Variants in DLG2 observed in about 807,000 individuals in gnomAD.
DLG2 encodes discs large MAGUK scaffold protein 2.
In DLG2, 45 loss-of-function variants were observed where a neutral mutation model predicts 132.5. The observed-to-expected ratio is 0.34, with a 90% confidence interval of 0.27 to 0.44. The LOEUF is 0.44. DLG2 is among the 20% of genes least tolerant of loss of function. DLG2 has a pLI of 1.00. For synonymous variants in DLG2, 424 were observed against 419.6 expected, an observed-to-expected ratio of 1.01 and a Z score of -0.13; for missense variants, 1,045 against 1,196.9, an observed-to-expected ratio of 0.87 and a Z score of 1.87.
chr11:85,466,241 T>G (rs1415153284), intron 3 of DLG2, among the ~76,000 whole-genome samples: 1 of 152,222 alleles, frequency 6.6e-6, no homozygotes, highest in Non-Finnish European at 1.5e-5. Context: ...TTGCAAAAAT[T>G]TTCTCCCATT....
At chr11:85,228,687 T>C (rs899617183) in intron 4 of DLG2, among the ~76,000 whole-genome samples, 1 of 151,960 alleles carries the variant, frequency 6.6e-6, no homozygotes, top group Admixed American at 6.6e-5. Context: ...TTATCCTTTT[T>C]TATATTTTTA....
At chr11:84,802,442 T>C (rs543370521) in intron 6 of DLG2, among the ~76,000 whole-genome samples, 6 of 151,672 alleles carry the variant, frequency 4.0e-5, no homozygotes, top group Non-Finnish European at 8.8e-5. Context: ...AGAGAAGAAA[T>C]AGGGAGTTAC....
intron 6 of DLG2, among the ~76,000 whole-genome samples, chr11:85,047,194 T>A (rs927330929): frequency 6.6e-6 from 1 of 151,978 alleles, no homozygotes; most frequent in East Asian, 1.9e-4. Context: ...ACTAAGACTA[T>A]ATTTACCAAG....
At chr11:84,784,060 G>T (rs549609400) in intron 6 of DLG2, among the ~76,000 whole-genome samples, 1 of 149,734 alleles carries the variant, frequency 6.7e-6, no homozygotes, top group Non-Finnish European at 1.5e-5. Context: ...CACTTTGGGA[G>T]GCTGAGGCGG....
At chr11:84,304,667 AATTT>A (rs1360316626) in intron 7 of DLG2, among the ~76,000 whole-genome samples, 15 of 152,202 alleles carry the variant, frequency 9.9e-5, no homozygotes, top group African/African-American at 3.6e-4. Context: ...GTTCTAATAA[AATTT>A]ATTTATAGAT....
At chr11:84,845,539 T>C (rs1389648552) in intron 6 of DLG2, among the ~76,000 whole-genome samples, 1 of 152,144 alleles carries the variant, frequency 6.6e-6, no homozygotes, top group African/African-American at 2.4e-5. Flanking sequence ...AACATGTCTA[T>C]GTCCTTATCT....
intron 8 of DLG2, among the ~76,000 whole-genome samples, chr11:84,225,553 C>T (rs1047306993): frequency 4.6e-5 from 7 of 152,162 alleles, no homozygotes; most frequent in Admixed American, 1.3e-4. Flanking sequence ...CAAGGGCAGT[C>T]GTTTCCTTTA....
chr11:83,999,510 T>C (rs755976539), intron 11 of DLG2, among the ~76,000 whole-genome samples: 4 of 152,252 alleles, frequency 2.6e-5, no homozygotes, highest in Admixed American at 1.3e-4. Context: ...CCTGGCTCAC[T>C]GCTGCAACTA....
intron 18 of DLG2, among the ~76,000 whole-genome samples, chr11:83,731,012 G>A (rs939155802): frequency 1.3e-5 from 2 of 152,170 alleles, no homozygotes; most frequent in African/African-American, 4.8e-5. Context: ...TTATAGATAG[G>A]CTAGTGGTTA....
chr11:83,559,735 G>A (rs1435862373), intron 19 of DLG2, among the ~76,000 whole-genome samples: 3 of 152,194 alleles, frequency 2.0e-5, no homozygotes, highest in Admixed American at 1.3e-4. Context: ...CTTCCAGAAA[G>A]TCTTCTTCAA....
chr11:84,577,646 G>C (rs2099504999), intron 6 of DLG2, among the ~76,000 whole-genome samples: 1 of 152,174 alleles, frequency 6.6e-6, no homozygotes, highest in Non-Finnish European at 1.5e-5. Context: ...AAGTTGATTT[G>C]GGTGCTGTTA....
chr11:84,003,591 C>A lies in DLG2; in HGVS notation c.920-22949G>T, dbSNP rs7936423. Among the ~76,000 whole-genome samples the A allele has an allele frequency of 3.3e-5, 5 of 151,848 alleles. No individual in the cohort carries two copies. In the South Asian group the frequency reaches 1.0e-3, roughly 32 times the overall value. ...AGCAGTGCCAAGGGAAGGGGAAGAG[C>A]CTCTTATAAAACCATCAGATCTCAT... is the stretch of plus-strand genomic sequence containing the variant. On this transcript the variant is annotated intron_variant, in intron 11 of 27. Coordinates refer to ENST00000376104, the MANE Select transcript of DLG2 (RefSeq NM_001142699.3).
intron 3 of DLG2, among the ~76,000 whole-genome samples, chr11:85,552,077 A>G (rs2153220749): frequency 6.9e-6 from 1 of 145,890 alleles, no homozygotes; most frequent in Admixed American, 6.8e-5. Context: ...GTTCCTATTC[A>G]TGAAATGGGA....
Position 83,833,719 on chromosome 11 carries a change from G to T in DLG2, c.1617C>A (p.Asn539Lys). 1 of 1,614,086 alleles carries T rather than the reference G, an allele frequency of 6.2e-7. No homozygotes were observed. The highest frequency in any genetic ancestry group is 1.1e-5 in the South Asian group (1 of 91,070). ...LHKGSTGLGF[N>K]IVGGEDGEGI... ...CTTCTCCATCTTCCCCACCGACAAT[G>T]TTGAAGCCCAGGCCAGTGGAGCCTT... Residue 539 changes from asparagine to lysine, a missense_variant, in exon 17 of 28, where the codon AAC becomes AAA. Coordinates refer to ENST00000376104, the MANE Select transcript of DLG2 (RefSeq NM_001142699.3).
In DLG2 at chr11:83,568,080, G is replaced by A. The variant is rs182651446; in HGVS notation, c.1941-26222C>T. Among the ~76,000 whole-genome samples, 460 of 152,282 alleles carry A rather than the reference G, an allele frequency of 3.0e-3. 4 individuals carry two copies. The highest frequency in any genetic ancestry group is 5.2e-3 in the Non-Finnish European group (352 of 68,010). ...TCAAGGATCATTCTGACTGCAGTAT[G>A]ATTGGCTTGGCAGGTGGCAGAGAAC... On this transcript the variant is annotated intron_variant, in intron 19 of 27. Transcript: ENST00000376104.
intron 3 of DLG2, among the ~76,000 whole-genome samples, chr11:85,580,949 CCCAGGAGG>C (rs959127987): frequency 2.0e-5 from 3 of 152,214 alleles, no homozygotes; most frequent in African/African-American, 7.2e-5. Context: ...TGTTCTGTGC[CCCAGGAGG>C]CTGACCTCAA....
chr11:85,184,165 G>A (rs991709892), intron 4 of DLG2, among the ~76,000 whole-genome samples: 1 of 151,774 alleles, frequency 6.6e-6, no homozygotes, highest in Non-Finnish European at 1.5e-5. Context: ...GAGCTGGAAG[G>A]GACCAGAGCA....
chr11:84,069,105 C>T (rs903180523), intron 10 of DLG2, among the ~76,000 whole-genome samples: 31 of 152,078 alleles, frequency 2.0e-4, no homozygotes, highest in African/African-American at 7.5e-4. Flanking sequence ...ACTGAGCTTC[C>T]CCCTCCAGAG....
At chr11:85,470,029 CT>C (rs1389533378) in intron 3 of DLG2, among the ~76,000 whole-genome samples, 1 of 152,108 alleles carries the variant, frequency 6.6e-6, no homozygotes, top group Non-Finnish European at 1.5e-5. Context: ...TTCATTCTTA[CT>C]ATTATCCCCA....
Sources: allele counts gnomAD v4.1 joint callset (sites outside exome capture counted in the v4.1 genomes callset), GRCh38; gene constraint gnomAD v4.1.1; transcripts MANE v1.5; gene names NCBI Gene and HGNC (gene_info 2026-07-23, HGNC 2026-07-21).